Variants in FNIP2 observed in about 807,000 individuals in gnomAD.
The protein encoded by FNIP2 is folliculin interacting protein 2, also known as folliculin-interacting protein 2.
A neutral mutation model predicts 108.7 loss-of-function variants in FNIP2; 32 were observed. The ratio of observed to expected loss-of-function variants is 0.29; its 90% CI spans 0.22 to 0.40. The LOEUF (loss-of-function observed/expected upper bound fraction) is 0.40. Among genes scored for constraint, FNIP2 ranks in the 10% least tolerant of loss-of-function variants. The probability of loss-of-function intolerance (pLI) is 1.00; values close to 1 mark genes in which losing one functional copy is unlikely to be tolerated. For synonymous variants in FNIP2, 480 were observed against 496.7 expected, an observed-to-expected ratio of 0.97 and a Z score of 0.45; for missense variants, 1,202 against 1,381.6, an observed-to-expected ratio of 0.87 and a Z score of 2.06.
At position 158,833,599 on chromosome 4, in the gene FNIP2, T is replaced by C. The variant is rs752801687; in HGVS notation, c.626T>C (p.Leu209Ser). 6.2e-7 allele frequency: 1 copy of C among 1,612,452 alleles called. No homozygotes were observed. The highest frequency in any genetic ancestry group is 1.1e-5 in the South Asian group (1 of 90,390). ...LGKLNTNQNS[L>S]GPCRTGSNLA... ...AAACTGAACACAAATCAAAATAGTT[T>C]GGGTCCTTGTCGTACTGGAAGTAAC... Residue 209 changes from leucine (L) to serine (S), a missense_variant, in exon 6 of 17, where the codon TTG becomes TCG. Coordinates refer to ENST00000264433, the MANE Select transcript of FNIP2 (RefSeq NM_020840.3).
rs1283820671 is a variant in FNIP2, at chr4:158,868,104, G to T, written c.1468G>T (p.Asp490Tyr). 6 of 1,613,158 alleles carry T rather than the reference G, an allele frequency of 3.7e-6. No homozygotes were observed. The highest frequency in any genetic ancestry group is 2.7e-5 in the African/African-American group (2 of 74,920). ...TTGTGTCCACCTTTGCTCTCTAGGT[G>T]ATCTTTACGGAGCCATAGGCTCTCC... ...PYNPLWAQLG[D>Y]LYGAIGSPVR... Residue 490 changes from aspartate to tyrosine, a missense_variant and splice_region_variant, in exon 13 of 17, where the codon GAT becomes TAT. Transcript: ENST00000264433. This position sits in a 1 kb window ranked among gnomAD's most constrained non-coding sequence, Gnocchi z 4.6.
At position 158,904,699 on chromosome 4, in the gene FNIP2, T is replaced by C. The variant is rs775481870; in HGVS notation, c.*155T>C. The C allele has an allele frequency of 1.9e-4, 122 of 653,100 alleles. No individual in the cohort carries two copies. Among genetic ancestry groups the C allele is most frequent in the Non-Finnish European group, 3.0e-4 (113 of 378,000 alleles). 40.5% of individuals were successfully genotyped at this position (653,100 alleles called of 1,614,324 possible). A position where few individuals can be genotyped will look rare whatever the true frequency, so the allele number is the denominator to read the frequency against. ...TTTTGTGTTTTTGCTGTCAAGCTGA[T>C]GCTTCATTGAAGACTTAGGTTTACT... is the stretch of plus-strand genomic sequence containing the variant. On this transcript the variant is annotated 3_prime_UTR_variant, in exon 17 of 17. Transcript: ENST00000264433.
At chr4:158,862,533 C>T (rs534598688) in intron 12 of FNIP2, among the ~76,000 whole-genome samples, 103 of 152,254 alleles carry the variant, frequency 6.8e-4, no homozygotes, top group Non-Finnish European at 1.2e-3. Context: ...GGCTAGTTAA[C>T]AAATATAAAA....
At chr4:158,880,840 A>G (rs1406145283) in intron 14 of FNIP2, among the ~76,000 whole-genome samples, 1 of 152,144 alleles carries the variant, frequency 6.6e-6, no homozygotes, top group African/African-American at 2.4e-5. Flanking sequence ...TTCCAAGGCT[A>G]TGGAGGATGC....
At chr4:158,902,580 C>T (rs1729422712) in intron 16 of FNIP2, among the ~76,000 whole-genome samples, 1 of 152,222 alleles carries the variant, frequency 6.6e-6, no homozygotes, top group Non-Finnish European at 1.5e-5. Flanking sequence ...GAAGCTGTGC[C>T]TACAGCCGCC....
intron 16 of FNIP2, among the ~76,000 whole-genome samples, chr4:158,903,915 C>A (rs552472891): frequency 1.3e-5 from 2 of 152,278 alleles, no homozygotes; most frequent in East Asian, 3.9e-4. Context: ...ACCATGATGT[C>A]TCTTAACCCA....
chr4:158,896,048 C>G (rs1782642048), intron 16 of FNIP2, among the ~76,000 whole-genome samples, 183 bp downstream of exon 16: 2 of 152,196 alleles, frequency 1.3e-5, no homozygotes, highest in African/African-American at 4.8e-5. Context: ...TTATCTGATA[C>G]TGGGTTTCAC....
intron 2 of FNIP2, among the ~76,000 whole-genome samples, chr4:158,826,653 G>A (rs1215623451): frequency 6.6e-6 from 1 of 152,124 alleles, no homozygotes; most frequent in Non-Finnish European, 1.5e-5. Context: ...TGGGCGACAA[G>A]CAATGGGTAG....
intron 16 of FNIP2, among the ~76,000 whole-genome samples, chr4:158,897,417 ACT>A (rs1782791824): frequency 6.6e-6 from 1 of 152,178 alleles, no homozygotes; most frequent in Non-Finnish European, 1.5e-5. Context: ...GAATCGCCAC[ACT>A]GTTTTCCACA....
chr4:158,859,053 C>G lies in FNIP2; in HGVS notation c.858-4C>G. The G allele has an allele frequency of 1.2e-6, 2 of 1,613,452 alleles. No homozygotes were observed. The highest frequency in any genetic ancestry group is 1.7e-6 in the Non-Finnish European group (2 of 1,179,588). On this transcript the variant is annotated splice_region_variant and splice_polypyrimidine_tract_variant and intron_variant, in intron 8 of 16. Transcript: ENST00000264433. ...CAACTTTTCAAACTTATATTTCCCT[C>G]CAGGTCAACTGATGAGACATTCAGC... is the stretch of plus-strand genomic sequence containing the variant.
intron 1 of FNIP2, among the ~76,000 whole-genome samples, chr4:158,812,160 A>G (rs766787625): frequency 1.1e-4 from 16 of 152,174 alleles, no homozygotes; most frequent in Admixed American, 6.5e-4. Flanking sequence ...CTTGATGGCA[A>G]AAACTCCTAT....
At chr4:158,772,487 G>C (rs751209832) in intron 1 of FNIP2, among the ~76,000 whole-genome samples, 1 of 152,122 alleles carries the variant, frequency 6.6e-6, no homozygotes, top group Non-Finnish European at 1.5e-5. Flanking sequence ...AAGACCTTGG[G>C]CTACCAGATG....
intron 7 of FNIP2, among the ~76,000 whole-genome samples, chr4:158,845,488 C>A (rs866319006): frequency 2.6e-5 from 4 of 152,196 alleles, no homozygotes; most frequent in Non-Finnish European, 5.9e-5. Context: ...TCAAGCGATC[C>A]TCTGGGCTTG....
chr4:158,874,491 G>GAAAAAAAAA (rs1434733947), intron 14 of FNIP2, among the ~76,000 whole-genome samples: 4 of 3,278 alleles, frequency 1.2e-3, no homozygotes, highest in African/African-American at 2.8e-3. Context: ...CCCATCTCTA[G>GAAAAAAAAA]CAAAAAAAAA....
intron 1 of FNIP2, among the ~76,000 whole-genome samples, chr4:158,795,280 G>C (rs1156865135): frequency 1.3e-5 from 2 of 152,180 alleles, no homozygotes; most frequent in Non-Finnish European, 2.9e-5. Context: ...TAGTAAATAT[G>C]ACAGAAAAGA....
At chr4:158,813,054 T>C (rs1403905820) in intron 1 of FNIP2, among the ~76,000 whole-genome samples, 1 of 152,142 alleles carries the variant, frequency 6.6e-6, no homozygotes, top group Non-Finnish European at 1.5e-5. Context: ...TCATGTCTCT[T>C]CGTAGCATGG....
chr4:158,888,502 G>A (rs1782130869), intron 14 of FNIP2, among the ~76,000 whole-genome samples: 2 of 152,306 alleles, frequency 1.3e-5, no homozygotes, highest in South Asian at 4.1e-4. Flanking sequence ...CACTTTCAAG[G>A]AATGGACTCC....
chr4:158,807,849 A>G (rs1350857671), intron 1 of FNIP2, among the ~76,000 whole-genome samples: 1 of 152,256 alleles, frequency 6.6e-6, no homozygotes, highest in Non-Finnish European at 1.5e-5. Flanking sequence ...ATTCAGTTAA[A>G]GAGATCTGTT....
At chr4:158,840,231 T>A (rs1347635292) in intron 7 of FNIP2, among the ~76,000 whole-genome samples, 1 of 152,170 alleles carries the variant, frequency 6.6e-6, no homozygotes, top group Admixed American at 6.5e-5. Flanking sequence ...GGAGGCCAGG[T>A]CAGGGAGACA....
Sources: allele counts gnomAD v4.1 joint callset (sites outside exome capture counted in the v4.1 genomes callset), GRCh38; gene constraint gnomAD v4.1.1; non-coding constraint Gnocchi (gnomAD v3.1); transcripts MANE v1.5; gene names NCBI Gene and HGNC (gene_info 2026-07-23, HGNC 2026-07-21).